Variants in ZNF184 observed in about 807,000 individuals in gnomAD.
The protein encoded by ZNF184 is zinc finger protein 184 (Kruppel-like).
A neutral mutation model predicts 54.4 loss-of-function variants in ZNF184; 16 were observed. The observed-to-expected ratio is 0.29, with a 90% confidence interval of 0.20 to 0.45. The LOEUF (loss-of-function observed/expected upper bound fraction) is 0.45, where lower values mean the gene tolerates loss of function less well. ZNF184 is among the 20% of genes least tolerant of loss of function. The pLI is 1.00. For synonymous variants in ZNF184, 254 were observed against 295.3 expected, an observed-to-expected ratio of 0.86 and a Z score of 1.43; for missense variants, 681 against 888.2, an observed-to-expected ratio of 0.77 and a Z score of 2.97.
rs1762873778 is a variant in ZNF184 at position 27,457,056 on chromosome 6, T to C, written c.203-135A>G. Reference sequence around the variant, plus strand: ...TGGGAGTGGATAGCATATCAAGCTTTAGTGTTACCAGTTCCCAGACATGGT... The same window carrying C: ...TGGGAGTGGATAGCATATCAAGCTTCAGTGTTACCAGTTCCCAGACATGGT... On this transcript the variant is annotated intron_variant, in intron 4 of 5. Coordinates refer to ENST00000683788, the MANE Select transcript of ZNF184 (RefSeq NM_001318891.2). 7.4e-6 allele frequency: 7 copies of C among 947,274 alleles called. 1 individual carries two copies. In the South Asian group the frequency reaches 1.0e-4, roughly 14 times the overall value. 58.7% of individuals were successfully genotyped at this position (947,274 alleles called of 1,614,324 possible). A position where few individuals can be genotyped will look rare whatever the true frequency, so the allele number is the denominator to read the frequency against.
chr6:27,456,997 T>C, intron 4 of ZNF184, 76 bp from the exon 5 acceptor site: 1 of 1,353,622 alleles, frequency 7.4e-7, no homozygotes. Context: ...CACCACTTTG[T>C]CTTTAGAAGA....
chr6:27,463,799 A>T (rs1763058765), intron 3 of ZNF184, among the ~76,000 whole-genome samples: 1 of 152,166 alleles, frequency 6.6e-6, no homozygotes, highest in African/African-American at 2.4e-5. Flanking sequence ...GAAATCTGTC[A>T]CACTAGAATT....
At chr6:27,431,221 T>C in the ZNF184 span, among the ~76,000 whole-genome samples, 1 of 152,296 alleles carries the variant, frequency 6.6e-6, no homozygotes, top group African/African-American at 2.4e-5. Flanking sequence ...GAGGCCACAA[T>C]CAAGATGAAT....
At chr6:27,423,615 A>G in the ZNF184 span, among the ~76,000 whole-genome samples, 2 of 144,404 alleles carry the variant, frequency 1.4e-5, no homozygotes, top group Non-Finnish European at 3.0e-5. Flanking sequence ...ACACCCTGAA[A>G]AGCATAAAGG....
Position 27,452,395 on chromosome 6 carries a change from T to G in ZNF184, c.1164A>C (p.Lys388Asn). ...TQHQKIHTGEKTYKCNECGKA... is the reference protein window; with the variant it reads ...TQHQKIHTGENTYKCNECGKA... ...TTCCACATTCATTACATTTATAGGT[T>G]TTTTCTCCAGTATGAATTTTTTGAT... is the stretch of plus-strand genomic sequence containing the variant. The change falls in exon 6 of 6, where the codon AAA (lysine) becomes AAC (asparagine). Residue 388 changes from lysine (K) to asparagine (N), a missense_variant. Lys to Asn is a moderately conservative substitution (Grantham distance 94). Coordinates refer to ENST00000683788, the MANE Select transcript of ZNF184 (RefSeq NM_001318891.2). The surrounding 1 kb of genome is among the most constrained non-coding windows in gnomAD (Gnocchi z 5.5). 3 of 1,614,062 alleles carry G rather than the reference T, an allele frequency of 1.9e-6. No individual in the cohort carries two copies. Among genetic ancestry groups the G allele is most frequent in the Non-Finnish European group, 2.5e-6 (3 of 1,179,980 alleles).
chr6:27,456,823 T>G lies in ZNF184; in HGVS notation c.298+3A>C, dbSNP rs1181521596. The G allele has an allele frequency of 7.4e-6, 12 of 1,613,748 alleles. No homozygotes were observed. The highest frequency in any genetic ancestry group is 1.0e-5 in the Non-Finnish European group (12 of 1,179,778). ...TATTCATCTGCTGGCATCCATGACT[T>G]ACCTGCACAGGTACCTACTGGAATG... On this transcript the variant is annotated splice_donor_region_variant and intron_variant, in intron 5 of 5. Transcript: ENST00000683788.
the ZNF184 span, among the ~76,000 whole-genome samples, chr6:27,424,667 G>A: frequency 6.6e-6 from 1 of 152,154 alleles, no homozygotes; most frequent in South Asian, 2.1e-4. Context: ...CAAACCTTGA[G>A]CCAGATACAG....
At chr6:27,460,554 C>T (rs528575325) in intron 3 of ZNF184, among the ~76,000 whole-genome samples, 116 of 152,310 alleles carry the variant, frequency 7.6e-4, no homozygotes, top group Middle Eastern at 3.4e-3. Flanking sequence ...GTCCAGACTG[C>T]AGAGCAGGGA....
chr6:27,467,580 A>AG (rs1224156621), intron 3 of ZNF184, among the ~76,000 whole-genome samples: 2 of 152,076 alleles, frequency 1.3e-5, no homozygotes, highest in African/African-American at 4.8e-5. Flanking sequence ...TGGGCGACAG[A>AG]GGGAGACTCA....
chr6:27,410,296 C>T, the ZNF184 span, among the ~76,000 whole-genome samples: 11 of 152,218 alleles, frequency 7.2e-5, no homozygotes, highest in East Asian at 1.7e-3. Context: ...CCAGTTCTGC[C>T]GACTCCAGTA....
At chr6:27,447,934 A>G (rs1012841646), downstream of ZNF184, among the ~76,000 whole-genome samples, 6 of 152,146 alleles carry the variant, frequency 3.9e-5, no homozygotes, top group African/African-American at 1.4e-4. Context: ...TGGAATTAAT[A>G]CTCAGGATAA....
At chr6:27,406,822 C>T in the ZNF184 span, 4 of 152,390 alleles carry the variant, frequency 2.6e-5, no homozygotes, top group Admixed American at 6.5e-5. Flanking sequence ...GAACCTGTAA[C>T]GGAGGTTCTT....
rs757233642 is a variant in ZNF184 at position 27,453,063 on chromosome 6, C to G, written c.496G>C (p.Val166Leu). Residue 166 changes from valine to leucine, a missense_variant, in exon 6 of 6, where the codon GTA (valine) becomes CTA (leucine). Coordinates refer to ENST00000683788, the MANE Select transcript of ZNF184 (RefSeq NM_001318891.2). The surrounding 1 kb of genome is among the most constrained non-coding windows in gnomAD (Gnocchi z 4.7). ...NQQTLPKEIK[V>L]TEKTIPSWEK... ...CAACTGGGTATTGTCTTTTCGGTTA[C>G]CTTTATTTCCTTTGGCAGTGTCTGT... is the stretch of plus-strand genomic sequence containing the variant. The G allele has an allele frequency of 6.2e-7, 1 of 1,614,012 alleles. No homozygotes were observed. Among genetic ancestry groups the G allele is most frequent in the East Asian group, 2.2e-5 (1 of 44,864 alleles).
chr6:27,442,846 GAAAGAAAGAA>G, the ZNF184 span, among the ~76,000 whole-genome samples: 2 of 59,106 alleles, frequency 3.4e-5, 1 homozygote, highest in Non-Finnish European at 7.1e-5. Flanking sequence ...AAGAAAGAAA[GAAAGAAAGAA>G]AGAAAGAAAG....
intron 3 of ZNF184, among the ~76,000 whole-genome samples, chr6:27,464,461 A>C (rs942046578): frequency 2.6e-5 from 4 of 152,212 alleles, no homozygotes; most frequent in African/African-American, 9.6e-5. Flanking sequence ...CTAAAGCAAC[A>C]AGTAAAATAG....
chr6:27,466,786 TAAG>T (rs567263982), intron 3 of ZNF184, among the ~76,000 whole-genome samples: 1 of 152,168 alleles, frequency 6.6e-6, no homozygotes, highest in African/African-American at 2.4e-5. Context: ...GGGGAAATTT[TAAG>T]AAGGAGGAGG....
chr6:27,414,691 T>C, the ZNF184 span, among the ~76,000 whole-genome samples: 2 of 152,066 alleles, frequency 1.3e-5, no homozygotes, highest in Non-Finnish European at 2.9e-5. Context: ...ACATATCCCA[T>C]TGGTGTTTTG....
the ZNF184 span, among the ~76,000 whole-genome samples, chr6:27,428,696 G>A: frequency 3.3e-5 from 5 of 152,270 alleles, no homozygotes; most frequent in East Asian, 3.9e-4. This position sits in a 1 kb window ranked among gnomAD's most constrained non-coding sequence, Gnocchi z 4.1. Flanking sequence ...GAAAAAGGCC[G>A]CAGGCTCAGG....
chr6:27,454,457 A>G (rs760956322), intron 5 of ZNF184, among the ~76,000 whole-genome samples: 1 of 152,230 alleles, frequency 6.6e-6, no homozygotes, highest in Admixed American at 6.5e-5. Context: ...CCGATTGTTC[A>G]AGAAATAAAT....
Sources: gnomAD v4.1 joint callset for allele counts (sites outside exome capture counted in the v4.1 genomes callset) on GRCh38, gnomAD v4.1.1 for gene constraint, Gnocchi (gnomAD v3.1) non-coding constraint, MANE v1.5 for transcripts, NCBI Gene and HGNC (gene_info 2026-07-23, HGNC 2026-07-21) for gene names.